The following CUEDC1 variants were observed in gnomAD, a reference collection of about 807,000 sequenced individuals.
CUEDC1 encodes CUE domain containing 1.
Under a neutral mutation model 43.7 loss-of-function variants are expected in CUEDC1, and 30 were observed. The ratio of observed to expected loss-of-function variants is 0.69; its 90% confidence interval spans 0.51 to 0.93. CUEDC1 has a LOEUF of 0.93. CUEDC1 is among the 40% of genes least tolerant of loss of function. The pLI, the probability that CUEDC1 is intolerant of heterozygous loss-of-function variation, is 0.00. For synonymous variants in CUEDC1, 223 were observed against 223.6 expected, an observed-to-expected ratio of 1.00 and a Z score of 0.02; for missense variants, 486 against 549.0, an observed-to-expected ratio of 0.89 and a Z score of 1.15.
intron 9 of CUEDC1, 155 bp from the exon 10 acceptor site, chr17:57,866,699 G>T (rs1344962971): frequency 1.1e-5 from 7 of 656,736 alleles, no homozygotes; most frequent in African/African-American, 1.8e-5. Context: ...ATGGGTCCAG[G>T]GAGAGAGGCA....
intron 1 of CUEDC1, among the ~76,000 whole-genome samples, chr17:57,922,803 T>C (rs1212899320): frequency 6.6e-6 from 1 of 151,898 alleles, no homozygotes; most frequent in Non-Finnish European, 1.5e-5. Flanking sequence ...AGACCATCCA[T>C]CCCAAAGACA....
At position 57,879,535 on chromosome 17, in the gene CUEDC1, G is replaced by A. The variant is rs188905120; in HGVS notation, c.464+76C>T. On this transcript the variant is annotated intron_variant, in intron 3 of 10. Transcript: ENST00000577830. ...ATACTGAGCAGTCCAGCCAAGTTTC[G>A]TGTTGTTTGTACACAGCCCCAGCCA... The A allele has an allele frequency of 1.5e-3, 2,197 of 1,475,248 alleles. 3 individuals are homozygous for A. The highest frequency in any genetic ancestry group is 2.1e-3 in the South Asian group (145 of 69,372). 91.4% of individuals were successfully genotyped at this position (1,475,248 alleles called of 1,614,324 possible).
intron 1 of CUEDC1, among the ~76,000 whole-genome samples, chr17:57,889,354 G>A (rs1568038423): frequency 1.3e-5 from 2 of 152,260 alleles, no homozygotes; most frequent in Non-Finnish European, 1.5e-5. Flanking sequence ...CCCAGCACCT[G>A]GATGTCAATC....
intron 1 of CUEDC1, among the ~76,000 whole-genome samples, chr17:57,898,610 G>C (rs1350315347): frequency 6.6e-6 from 1 of 152,208 alleles, no homozygotes; most frequent in Non-Finnish European, 1.5e-5. Context: ...CTGTCAGTCA[G>C]AGGCAGCTGT....
At chr17:57,873,965 A>G (rs1266604172) in intron 3 of CUEDC1, among the ~76,000 whole-genome samples, 1 of 152,162 alleles carries the variant, frequency 6.6e-6, no homozygotes, top group Non-Finnish European at 1.5e-5. Flanking sequence ...GGACCTACAG[A>G]GCTGTCTGTC....
Position 57,879,707 on chromosome 17 carries a change from G to A in CUEDC1, c.368C>T (p.Ser123Leu), listed in dbSNP as rs72839904. 74 of 1,599,732 alleles carry A rather than the reference G, an allele frequency of 4.6e-5. No individual in the cohort carries two copies. Among genetic ancestry groups the A allele is most frequent in the East Asian group, 1.8e-4 (8 of 43,248 alleles). ...GTACACAGGTGGGGGCTCTTCATCC[G>A]AGCTATCAGGTTCCAAAGTCCTTTC... Reference protein sequence around the residue: ...ILERTLEPDSSDEEPPPVYSP... With the variant: ...ILERTLEPDSLDEEPPPVYSP... The change falls in exon 3 of 11, where the codon TCG becomes TTG. Residue 123 changes from serine (S) to leucine (L), a missense_variant. By Grantham distance (145) the Ser-to-Leu change is moderately radical. Transcript: ENST00000577830.
At chr17:57,935,739 G>T (rs943409638) in intron 1 of CUEDC1, among the ~76,000 whole-genome samples, 9 of 152,154 alleles carry the variant, frequency 5.9e-5, no homozygotes, top group African/African-American at 1.9e-4. Context: ...GGCGGGCCAG[G>T]CCCGCCTGGA....
In CUEDC1 at chr17:57,930,233, G is replaced by A. The variant is rs1017911281; in HGVS notation, c.-316+24992C>T. On this transcript the variant is annotated intron_variant, in intron 1 of 10. Coordinates refer to ENST00000577830, the MANE Select transcript of CUEDC1 (RefSeq NM_001271875.2). The surrounding 1 kb of genome is among the most constrained non-coding windows in gnomAD (Gnocchi z 4.2). ...GTGATGTCAGCGCTGCTGGTCTAGGGACCTGACTTTGGGTAGCAAGTCTCC... is the reference window on the plus strand; with the variant it reads ...GTGATGTCAGCGCTGCTGGTCTAGGAACCTGACTTTGGGTAGCAAGTCTCC... Among the ~76,000 whole-genome samples, 1 of 152,208 alleles carries A rather than the reference G, an allele frequency of 6.6e-6. No homozygotes were observed. Among genetic ancestry groups the A allele is most frequent in the Admixed American group, 6.5e-5 (1 of 15,286 alleles).
rs558768988 is a variant in CUEDC1, at chr17:57,881,132, G to A, written c.337-1394C>T. ...TGCCCAGCACACACAGCCTCCCAGG[G>A]GCACCTGGTGGGTAGGGAAGTGAGC... On this transcript the variant is annotated intron_variant, in intron 2 of 10. Coordinates refer to ENST00000577830, the MANE Select transcript of CUEDC1 (RefSeq NM_001271875.2). Among the ~76,000 whole-genome samples the A allele has an allele frequency of 3.3e-5, 5 of 152,328 alleles. No individual in the cohort carries two copies. The South Asian group carries it at 1.0e-3, about 32-fold the overall frequency.
Position 57,934,559 on chromosome 17 carries a change from T to TAA in CUEDC1, c.-316+20664_-316+20665dup, listed in dbSNP as rs575832390. Among the ~76,000 whole-genome samples the TAA allele has an allele frequency of 4.0e-4, 26 of 65,344 alleles. 1 individual carries two copies. The highest frequency in any genetic ancestry group is 9.2e-4 in the African/African-American group (19 of 20,652). The allele number at this position is 65,344 out of a possible 152,430, so 42.9% of individuals were successfully genotyped here. On this transcript the variant is annotated intron_variant, in intron 1 of 10. Coordinates refer to ENST00000577830, the MANE Select transcript of CUEDC1 (RefSeq NM_001271875.2). ...GCAATATAGCAAGACCCTGTCTCTC[T>TAA]AAAAAAAAAAAAAAAAAAAAAAAAA...
chr17:57,941,868 G>A (rs2074919842), intron 1 of CUEDC1, among the ~76,000 whole-genome samples: 1 of 152,220 alleles, frequency 6.6e-6, no homozygotes, highest in Admixed American at 6.5e-5. Flanking sequence ...GCTGGGGCCA[G>A]GAAGGAAAAC....
chr17:57,934,909 T>C (rs916411812), intron 1 of CUEDC1, among the ~76,000 whole-genome samples: 11 of 152,168 alleles, frequency 7.2e-5, no homozygotes, highest in Admixed American at 2.6e-4. Context: ...GGTTTCGCCA[T>C]GTTGCTCAGG....
chr17:57,951,703 C>T (rs1472416860), intron 1 of CUEDC1, among the ~76,000 whole-genome samples: 1 of 152,162 alleles, frequency 6.6e-6, no homozygotes, highest in Non-Finnish European at 1.5e-5. Flanking sequence ...AGGTGATCCA[C>T]CCGCCTCAGC....
chr17:57,871,267 C>T lies in CUEDC1; in HGVS notation c.868+19G>A. ...CCCCACTATGCCTCTAGGTTTTCTT[C>T]CCCAGAAGGCAAAGTTACCTGGGAC... On this transcript the variant is annotated intron_variant, in intron 6 of 10. Transcript: ENST00000577830. 1 of 1,597,112 alleles carries T rather than the reference C, an allele frequency of 6.3e-7. No individual in the cohort carries two copies. Among genetic ancestry groups the T allele is most frequent in the Non-Finnish European group, 8.6e-7 (1 of 1,164,574 alleles).
Position 57,869,069 on chromosome 17 carries a change from A to G in CUEDC1, c.940+53T>C. On this transcript the variant is annotated intron_variant, in intron 7 of 10. Transcript: ENST00000577830. ...GGCTCCCTCACTCCTGGGAGGCCAC[A>G]GGGCCTGTCTCAGAAAAGCTGGGGA... The G allele has an allele frequency of 1.9e-6, 3 of 1,588,492 alleles. No homozygotes were observed. The South Asian group carries it at 3.4e-5, about 18-fold the overall frequency.
At chr17:57,896,732 G>A (rs1045640156) in intron 1 of CUEDC1, among the ~76,000 whole-genome samples, 3 of 149,908 alleles carry the variant, frequency 2.0e-5, no homozygotes, top group African/African-American at 7.4e-5. Context: ...TAAAGTAATA[G>A]CATTGCCAGT....
chr17:57,921,326 G>T (rs1018955433), intron 1 of CUEDC1, among the ~76,000 whole-genome samples: 2 of 152,094 alleles, frequency 1.3e-5, no homozygotes, highest in African/African-American at 4.8e-5. Flanking sequence ...AAGGTGCTTG[G>T]CAATGCAACG....
In CUEDC1 at chr17:57,954,663, G is replaced by C. The variant is rs995529824; in HGVS notation, c.-316+562C>G. Among the ~76,000 whole-genome samples, 4 of 152,080 alleles carry C rather than the reference G, an allele frequency of 2.6e-5. No individual in the cohort carries two copies. The highest frequency in any genetic ancestry group is 5.9e-5 in the Non-Finnish European group (4 of 68,000). On this transcript the variant is annotated intron_variant, in intron 1 of 10. Transcript: ENST00000577830. This position sits in a 1 kb window ranked among gnomAD's most constrained non-coding sequence, Gnocchi z 4.3. ...GATACAGCTCCCAGGGGACCGGGAG[G>C]GACCAAAAAAGGCTGAGCCGACCTG...
chr17:57,943,806 A>C (rs1484267231), intron 1 of CUEDC1, among the ~76,000 whole-genome samples: 1 of 152,160 alleles, frequency 6.6e-6, no homozygotes, highest in Non-Finnish European at 1.5e-5. Flanking sequence ...CTCCAAAAAA[A>C]ACTCTCATAT....
Sources: gnomAD v4.1 joint callset for allele counts (sites outside exome capture counted in the v4.1 genomes callset) on GRCh38, gnomAD v4.1.1 for gene constraint, Gnocchi (gnomAD v3.1) non-coding constraint, MANE v1.5 for transcripts, NCBI Gene and HGNC (gene_info 2026-07-23, HGNC 2026-07-21) for gene names.